NDUFAF2: variants seen among roughly 807,000 people sequenced by gnomAD.
NDUFAF2 encodes the protein NADH dehydrogenase [ubiquinone] 1 alpha subcomplex assembly factor 2.
NDUFAF2 carries 13 observed loss-of-function variants against 22.8 expected under a neutral mutation model. That is an observed-to-expected ratio of 0.57 (90% CI 0.37 to 0.91). The LOEUF (loss-of-function observed/expected upper bound fraction) is 0.91, where lower values mean the gene tolerates loss of function less well. Ranked by LOEUF, NDUFAF2 falls within the 40% of genes least tolerant of loss-of-function variation. The pLI, the probability that NDUFAF2 is intolerant of heterozygous loss-of-function variation, is 0.01. For missense variants in NDUFAF2, 162 were observed against 195.2 expected (o/e 0.83, Z 1.01); for synonymous variants, 53 against 64.2 (o/e 0.83, Z 0.84).
chr5:61,134,741 A>G (rs1338643315), intron 3 of NDUFAF2, among the ~76,000 whole-genome samples: 2 of 152,134 alleles, frequency 1.3e-5, no homozygotes, highest in Non-Finnish European at 2.9e-5. Context: ...ATTTTTTTGA[A>G]TCCCTGAAAC....
chr5:60,955,566 A>G (rs1341294306), intron 1 of NDUFAF2, among the ~76,000 whole-genome samples: 1 of 152,124 alleles, frequency 6.6e-6, no homozygotes, highest in African/African-American at 2.4e-5. Flanking sequence ...TTGTAATTCC[A>G]TATGAATTTT....
chr5:60,949,609 G>A (rs968247352), intron 1 of NDUFAF2, among the ~76,000 whole-genome samples: 2 of 152,050 alleles, frequency 1.3e-5, no homozygotes, highest in South Asian at 2.1e-4. Context: ...TCTGTAAAAC[G>A]GAAATAACAG....
At chr5:61,102,402 G>A (rs1295807707) in intron 3 of NDUFAF2, among the ~76,000 whole-genome samples, 1 of 152,016 alleles carries the variant, frequency 6.6e-6, no homozygotes, top group Non-Finnish European at 1.5e-5. Flanking sequence ...TTTTAACAAT[G>A]ACATCAAAAC....
chr5:60,964,255 T>C (rs1750726141), intron 1 of NDUFAF2, among the ~76,000 whole-genome samples: 2 of 152,196 alleles, frequency 1.3e-5, no homozygotes, highest in South Asian at 4.1e-4. Flanking sequence ...ATTTGGTTCA[T>C]CTTTCCAATT....
At chr5:60,993,707 C>T (rs1179804730) in intron 1 of NDUFAF2, among the ~76,000 whole-genome samples, 4 of 152,114 alleles carry the variant, frequency 2.6e-5, no homozygotes, top group Non-Finnish European at 5.9e-5. Flanking sequence ...TAGCTCCTCT[C>T]TGCAGCTGAT....
At chr5:61,034,352 C>CTTGT in intron 1 of NDUFAF2, among the ~76,000 whole-genome samples, 1 of 152,066 alleles carries the variant, frequency 6.6e-6, no homozygotes. Context: ...TTCCACAAAC[C>CTTGT]AAATGCACCT....
chr5:61,077,518 GTC>G (rs1409529016), intron 2 of NDUFAF2, among the ~76,000 whole-genome samples: 1 of 152,178 alleles, frequency 6.6e-6, no homozygotes, highest in Non-Finnish European at 1.5e-5. Flanking sequence ...AATTTGGAGA[GTC>G]TGAGAATAGA....
intron 1 of NDUFAF2, among the ~76,000 whole-genome samples, chr5:61,023,837 C>T (rs1000373060): frequency 1.3e-5 from 2 of 152,088 alleles, no homozygotes; most frequent in Non-Finnish European, 2.9e-5. Context: ...GGTGGATGCT[C>T]AGTTCTTGAT....
chr5:60,945,752 A>G (rs1750436038), intron 1 of NDUFAF2, among the ~76,000 whole-genome samples: 1 of 152,310 alleles, frequency 6.6e-6, no homozygotes, highest in East Asian at 1.9e-4. Flanking sequence ...GTCCACGGAA[A>G]TCTTTCACCA....
In NDUFAF2 at chr5:61,027,151, CAATT is replaced by C. The variant is rs1394226231; in HGVS notation, c.128-45971_128-45968del. ...GTTGGTCTTTATTTTTTCACATACTCAATTAAGAGTTTAAGAACATAGTGTAACT... is the reference window on the plus strand; with the variant it reads ...GTTGGTCTTTATTTTTTCACATACTCAAGAGTTTAAGAACATAGTGTAACT... On this transcript the variant is annotated intron_variant, in intron 1 of 3. Transcript: ENST00000296597. 5.3e-5 allele frequency among the ~76,000 whole-genome samples: 8 copies of C among 151,642 alleles called. No homozygotes were observed. The South Asian group carries it at 6.2e-4, about 12-fold the overall frequency.
chr5:61,105,588 A>G (rs1270581739), intron 3 of NDUFAF2, among the ~76,000 whole-genome samples: 5 of 148,000 alleles, frequency 3.4e-5, no homozygotes, highest in African/African-American at 1.0e-4. Context: ...CTGGAGCTGT[A>G]TGTTTTAACA....
At chr5:61,113,792 G>A (rs1438234441) in intron 3 of NDUFAF2, among the ~76,000 whole-genome samples, 2 of 148,100 alleles carry the variant, frequency 1.4e-5, no homozygotes, top group Non-Finnish European at 3.0e-5. Flanking sequence ...AGCAACATAA[G>A]AACAACTAAT....
At chr5:61,090,685 T>A (rs550546658) in intron 2 of NDUFAF2, among the ~76,000 whole-genome samples, 4 of 152,270 alleles carry the variant, frequency 2.6e-5, no homozygotes, top group East Asian at 1.9e-4. Context: ...ACTTTATTTT[T>A]AAAAAAACTT....
chr5:61,152,696 A>C lies in NDUFAF2; in HGVS notation c.259-8A>C. 6.6e-7 allele frequency: 1 copy of C among 1,519,250 alleles called. No homozygotes were observed. The highest frequency in any genetic ancestry group is 1.3e-5 in the South Asian group (1 of 76,716). 94.1% of individuals were successfully genotyped at this position (1,519,250 alleles called of 1,614,324 possible). ...TTAATAATTTCTTCCATTTATATATACATGCAGGAAATACTAAAGAATGAA... is the reference window on the plus strand; with the variant it reads ...TTAATAATTTCTTCCATTTATATATCCATGCAGGAAATACTAAAGAATGAA... On this transcript the variant is annotated splice_region_variant and splice_polypyrimidine_tract_variant and intron_variant, in intron 3 of 3. Coordinates refer to ENST00000296597, the MANE Select transcript of NDUFAF2 (RefSeq NM_174889.5).
In NDUFAF2 at chr5:61,048,837, A is replaced by G. The variant is rs150900429; in HGVS notation, c.128-24288A>G. Among the ~76,000 whole-genome samples the G allele has an allele frequency of 3.0e-4, 45 of 152,208 alleles. No homozygotes were observed. In the East Asian group the frequency reaches 8.1e-3, roughly 27 times the overall value. ...AAAATATCATCTTTGAGACCATACA[A>G]ACATCATGGTTCTGACCTAAGTGGA... On this transcript the variant is annotated intron_variant, in intron 1 of 3. Coordinates refer to ENST00000296597, the MANE Select transcript of NDUFAF2 (RefSeq NM_174889.5).
At chr5:61,106,529 C>T (rs1255039354) in intron 3 of NDUFAF2, among the ~76,000 whole-genome samples, 1 of 151,274 alleles carries the variant, frequency 6.6e-6, no homozygotes, top group Non-Finnish European at 1.5e-5. Flanking sequence ...AGCATTTATC[C>T]TTTCCTTGTA....
intron 1 of NDUFAF2, among the ~76,000 whole-genome samples, chr5:61,011,368 G>C (rs1237913807): frequency 6.6e-6 from 1 of 152,112 alleles, no homozygotes; most frequent in East Asian, 1.9e-4. Flanking sequence ...TTGAGTTCAT[G>C]AGTTAGTGAT....
chr5:60,982,897 A>T (rs76281741), intron 1 of NDUFAF2, among the ~76,000 whole-genome samples: 132,612 of 151,880 alleles, frequency 0.87, 58,192 homozygotes, highest in East Asian at 0.95. Context: ...TGATTCGTAA[A>T]CCTTTGGGTA....
chr5:61,017,029 G>A (rs1751520921), intron 1 of NDUFAF2, among the ~76,000 whole-genome samples: 3 of 152,124 alleles, frequency 2.0e-5, no homozygotes, highest in South Asian at 2.1e-4. Flanking sequence ...TACTGTACTC[G>A]TTTTCTCTTC....
Sources: allele counts gnomAD v4.1 joint callset (sites outside exome capture counted in the v4.1 genomes callset), GRCh38; gene constraint gnomAD v4.1.1; transcripts MANE v1.5; gene names NCBI Gene and HGNC (gene_info 2026-07-23, HGNC 2026-07-21).